Variants in CPNE8 observed in about 807,000 individuals in gnomAD.
CPNE8 encodes copine 8, also known as copine-8.
A neutral mutation model predicts 81.5 loss-of-function variants in CPNE8; 45 were observed. That is an observed-to-expected ratio of 0.55 (90% CI 0.44 to 0.71). CPNE8 has a LOEUF of 0.71. CPNE8 is among the 30% of genes least tolerant of loss of function. The probability of loss-of-function intolerance (pLI) is 0.00; values close to 1 mark genes in which losing one functional copy is unlikely to be tolerated. For synonymous variants in CPNE8, 252 were observed against 226.3 expected, an observed-to-expected ratio of 1.11 and a Z score of -1.02; for missense variants, 594 against 672.1, an observed-to-expected ratio of 0.88 and a Z score of 1.28.
At chr12:38,871,131 G>A (rs1943985864) in intron 3 of CPNE8, among the ~76,000 whole-genome samples, 1 of 152,186 alleles carries the variant, frequency 6.6e-6, no homozygotes, top group South Asian at 2.1e-4. Flanking sequence ...ATTTTGAGCT[G>A]AGGCTGCCCT....
rs557149042 is a variant in CPNE8, at chr12:38,901,835, C to T, written c.98+3602G>A. On this transcript the variant is annotated intron_variant, in intron 1 of 19. Transcript: ENST00000331366. ...GTAATATACTCCAAGCACCCTATTC[C>T]ACAATGATCCTTTCCCTCCTCATGC... Among the ~76,000 whole-genome samples, 142 of 152,246 alleles carry T rather than the reference C, an allele frequency of 9.3e-4. 1 individual carries two copies. The highest frequency in any genetic ancestry group is 8.7e-4 in the Non-Finnish European group (59 of 68,014).
In CPNE8 at chr12:38,788,317, ACAAT is replaced by A. The variant is rs1942244690; in HGVS notation, c.408-12020_408-12017del. On this transcript the variant is annotated intron_variant, in intron 6 of 19. Coordinates refer to ENST00000331366, the MANE Select transcript of CPNE8 (RefSeq NM_153634.3). ...GCAAGGATGGTTCGACATATGCAAA[ACAAT>A]CAATGTGATAAATCAGATCAACAAA... 3.3e-5 allele frequency among the ~76,000 whole-genome samples: 5 copies of A among 151,882 alleles called. No individual in the cohort carries two copies. The South Asian group carries it at 1.0e-3, about 31-fold the overall frequency.
At chr12:38,657,982 GCCACTTCT>G (rs909450265) in intron 19 of CPNE8, among the ~76,000 whole-genome samples, 4 of 152,080 alleles carry the variant, frequency 2.6e-5, no homozygotes, top group African/African-American at 9.7e-5. Flanking sequence ...AAACCAGAGC[GCCACTTCT>G]CCACCAAAAG....
rs75608157 is a variant in CPNE8 at position 38,879,103 on chromosome 12, T to C, written c.99-4592A>G. ...AAATAAATATATGTCCTGAAATAAG[T>C]ACCTTATTGAGAGAGTCAGGTGGGA... On this transcript the variant is annotated intron_variant, in intron 1 of 19. Coordinates refer to ENST00000331366, the MANE Select transcript of CPNE8 (RefSeq NM_153634.3). Among the ~76,000 whole-genome samples the C allele has an allele frequency of 4.9e-4, 74 of 152,296 alleles. 3 individuals carry two copies. The East Asian group carries it at 0.014, about 29-fold the overall frequency.
chr12:38,824,735 T>A (rs1247626994), intron 6 of CPNE8, among the ~76,000 whole-genome samples: 3 of 152,214 alleles, frequency 2.0e-5, no homozygotes, highest in Admixed American at 2.0e-4. Flanking sequence ...AAATTCATGA[T>A]AAATCAATTG....
chr12:38,902,865 T>A (rs1453674584), intron 1 of CPNE8, among the ~76,000 whole-genome samples: 1 of 152,182 alleles, frequency 6.6e-6, no homozygotes. Flanking sequence ...ATGCATTGTG[T>A]AAGCGCTTTC....
At chr12:38,812,632 G>A (rs1005052068) in intron 6 of CPNE8, among the ~76,000 whole-genome samples, 1 of 152,126 alleles carries the variant, frequency 6.6e-6, no homozygotes, top group Admixed American at 6.5e-5. Context: ...ATTTGACTGG[G>A]GACATGGCCA....
At chr12:38,672,356 T>C (rs1939194111) in intron 18 of CPNE8, among the ~76,000 whole-genome samples, 1 of 152,126 alleles carries the variant, frequency 6.6e-6, no homozygotes, top group South Asian at 2.1e-4. Context: ...GCATGTCTGG[T>C]TTAAAACACT....
chr12:38,659,782 T>G (rs916220200), intron 19 of CPNE8, among the ~76,000 whole-genome samples: 2 of 151,978 alleles, frequency 1.3e-5, no homozygotes, highest in Admixed American at 1.3e-4. Context: ...CTGAACAATC[T>G]GCTCAATGTG....
intron 3 of CPNE8, among the ~76,000 whole-genome samples, chr12:38,853,818 A>T (rs1943684722): frequency 6.6e-6 from 1 of 152,158 alleles, no homozygotes; most frequent in South Asian, 2.1e-4. Context: ...GAGAAGCAGT[A>T]CTGGAAAGAA....
chr12:38,863,267 AAACT>A (rs2137084823), intron 3 of CPNE8, among the ~76,000 whole-genome samples: 1 of 152,360 alleles, frequency 6.6e-6, no homozygotes, highest in African/African-American at 2.4e-5. Flanking sequence ...ATGGCACACA[AAACT>A]AACAGAAGAA....
Position 38,767,620 on chromosome 12 carries a change from A to G in CPNE8, c.575+15T>C, listed in dbSNP as rs2136868217. The G allele has an allele frequency of 6.8e-7, 1 of 1,472,660 alleles. No individual in the cohort carries two copies. Among genetic ancestry groups the G allele is most frequent in the South Asian group, 1.3e-5 (1 of 74,502 alleles). The allele number at this position is 1,472,660 out of a possible 1,614,324, so 91.2% of individuals were successfully genotyped here. A position where few individuals can be genotyped will look rare whatever the true frequency, so the allele number is the denominator to read the frequency against. The stretch of plus-strand genomic sequence containing the variant: ...TCATTACCATATAGTTGAAATGCAT[A>G]AAAGATAAATCTACCTGCCATCTTC... On this transcript the variant is annotated intron_variant, in intron 8 of 19. Transcript: ENST00000331366.
rs1239072797 is a variant in CPNE8 at position 38,873,068 on chromosome 12, A to G, written c.140-18T>C. On this transcript the variant is annotated intron_variant, in intron 2 of 19. Transcript: ENST00000331366. Reference sequence around the variant, plus strand: ...GACACAAACTACAAAAGATGAAAAAATACGCACATATAAATGTCTTTTATG... The same window carrying G: ...GACACAAACTACAAAAGATGAAAAAGTACGCACATATAAATGTCTTTTATG... 6 of 1,441,700 alleles carry G rather than the reference A, an allele frequency of 4.2e-6. No individual in the cohort carries two copies. The highest frequency in any genetic ancestry group is 1.8e-5 in the Admixed American group (1 of 56,212). 89.3% of individuals were successfully genotyped at this position (1,441,700 alleles called of 1,614,324 possible).
chr12:38,798,802 C>A (rs1228242530), intron 6 of CPNE8, among the ~76,000 whole-genome samples: 1 of 152,062 alleles, frequency 6.6e-6, no homozygotes, highest in Non-Finnish European at 1.5e-5. Flanking sequence ...TTCAGGAAAC[C>A]TATCTCACAT....
Position 38,717,429 on chromosome 12 carries a change from GTATA to G in CPNE8, c.914+6339_914+6342del, listed in dbSNP as rs57044387. ...AACAAGTAAACAAAGAAAGTGTGGTGTATATATATATATATATATATATATATAT... is the reference window on the plus strand; with the variant it reads ...AACAAGTAAACAAAGAAAGTGTGGTGTATATATATATATATATATATATAT... On this transcript the variant is annotated intron_variant, in intron 13 of 19. Transcript: ENST00000331366. Among the ~76,000 whole-genome samples the G allele has an allele frequency of 8.3e-3, 726 of 87,034 alleles. 31 individuals are homozygous for G. Among genetic ancestry groups the G allele is most frequent in the African/African-American group, 0.031 (671 of 21,670 alleles). 57.1% of individuals were successfully genotyped at this position (87,034 alleles called of 152,430 possible). A position where few individuals can be genotyped will look rare whatever the true frequency, so the allele number is the denominator to read the frequency against.
chr12:38,781,334 C>A (rs745791214), intron 6 of CPNE8, among the ~76,000 whole-genome samples: 2 of 151,488 alleles, frequency 1.3e-5, no homozygotes, highest in Non-Finnish European at 3.0e-5. Context: ...ACTAAATGCT[C>A]CAGATTAAAT....
chr12:38,717,456 T>TATATATATATATATATATATAC (rs1215784272), intron 13 of CPNE8, among the ~76,000 whole-genome samples: 4 of 139,504 alleles, frequency 2.9e-5, no homozygotes, highest in African/African-American at 1.1e-4. Flanking sequence ...TATATATATA[T>TATATATATATATATATATATAC]ATACACCATG....
chr12:38,723,855 T>A, intron 12 of CPNE8, 22 bp from the exon 13 acceptor site: 1 of 1,431,806 alleles, frequency 7.0e-7, no homozygotes, highest in Non-Finnish European at 9.8e-7. Flanking sequence ...AAAGACAGAA[T>A]TACCTTCTAG....
At chr12:38,870,271 A>G (rs376620218) in intron 3 of CPNE8, among the ~76,000 whole-genome samples, 13 of 152,248 alleles carry the variant, frequency 8.5e-5, no homozygotes, top group African/African-American at 2.9e-4. Flanking sequence ...CATTTGACCC[A>G]GCAATCCCAT....
Sources: gnomAD v4.1 joint callset for allele counts (sites outside exome capture counted in the v4.1 genomes callset) on GRCh38, gnomAD v4.1.1 for gene constraint, MANE v1.5 for transcripts, NCBI Gene and HGNC (gene_info 2026-07-23, HGNC 2026-07-21) for gene names.